CASS4: variants seen among roughly 807,000 people sequenced by gnomAD.
The protein encoded by CASS4 is cas scaffolding protein family member 4.
Under a neutral mutation model 54.2 loss-of-function variants are expected in CASS4, and 22 were observed. That is an observed-to-expected ratio of 0.41 (90% CI 0.29 to 0.58). CASS4 has a LOEUF of 0.58. CASS4 is among the 20% of genes least tolerant of loss of function. CASS4 has a pLI of 0.36. For missense variants in CASS4, 854 were observed against 986.7 expected (o/e 0.87, Z 1.80); for synonymous variants, 409 against 391.5 (o/e 1.04, Z -0.53).
chr20:56,413,305 A>T (rs995650302), intron 1 of CASS4, among the ~76,000 whole-genome samples: 1 of 152,130 alleles, frequency 6.6e-6, no homozygotes, highest in Non-Finnish European at 1.5e-5. Context: ...GTAGAACAGG[A>T]AAAAAGAAAT....
At chr20:56,441,933 T>C (rs1195847335) in intron 2 of CASS4, among the ~76,000 whole-genome samples, 3 of 152,244 alleles carry the variant, frequency 2.0e-5, no homozygotes, top group Non-Finnish European at 4.4e-5. Flanking sequence ...ACACATTTTC[T>C]GATCCACAGA....
intron 3 of CASS4, among the ~76,000 whole-genome samples, chr20:56,447,945 A>G (rs1382094407): frequency 1.3e-5 from 2 of 152,106 alleles, no homozygotes; most frequent in African/African-American, 2.4e-5. Context: ...GGTGGAGACC[A>G]CCCTGGCTAA....
intron 5 of CASS4, among the ~76,000 whole-genome samples, chr20:56,455,274 T>C (rs1323503070): frequency 6.6e-6 from 1 of 152,204 alleles, no homozygotes; most frequent in Non-Finnish European, 1.5e-5. Context: ...ATGGGTCCAT[T>C]TAAAGGAAAG....
At chr20:56,457,947 G>A (rs1281440320) in intron 5 of CASS4, among the ~76,000 whole-genome samples, 3 of 150,880 alleles carry the variant, frequency 2.0e-5, no homozygotes, top group Non-Finnish European at 4.4e-5. Flanking sequence ...CCCAGAAGGT[G>A]GAGGTTGCAG....
chr20:56,415,774 C>G (rs1355784042), intron 1 of CASS4, among the ~76,000 whole-genome samples: 1 of 152,232 alleles, frequency 6.6e-6, no homozygotes, highest in East Asian at 1.9e-4. Context: ...AGGGACTGTT[C>G]TCGCAAGCTG....
At chr20:56,417,440 C>T (rs770064559) in intron 1 of CASS4, among the ~76,000 whole-genome samples, 4 of 152,216 alleles carry the variant, frequency 2.6e-5, no homozygotes, top group Non-Finnish European at 5.9e-5. Flanking sequence ...CTGTGCAAAT[C>T]ACTTCCCCCC....
intron 1 of CASS4, among the ~76,000 whole-genome samples, chr20:56,417,320 C>T (rs552146429): frequency 5.9e-5 from 9 of 152,210 alleles, no homozygotes; most frequent in East Asian, 1.9e-4. Flanking sequence ...GATCCCACTC[C>T]GAGCAGCTCT....
chr20:56,412,437 G>A lies in CASS4; in HGVS notation c.-22G>A, dbSNP rs1978920479. 1.2e-6 allele frequency: 2 copies of A among 1,611,568 alleles called. No homozygotes were observed. The highest frequency in any genetic ancestry group is 2.7e-5 in the African/African-American group (2 of 74,866). ...GGAGATACTAGCTGCAGAGCTCAGG[G>A]GAGCTGCTCCACATCACCGACATGA... On this transcript the variant is annotated 5_prime_UTR_variant, in exon 1 of 6. Transcript: ENST00000679887. The surrounding 1 kb of genome is among the most constrained non-coding windows in gnomAD (Gnocchi z 4.2).
At chr20:56,435,910 C>T (rs1217382291) in intron 1 of CASS4, among the ~76,000 whole-genome samples, 1 of 151,946 alleles carries the variant, frequency 6.6e-6, no homozygotes, top group Non-Finnish European at 1.5e-5. Flanking sequence ...GCTACTCTGC[C>T]CAGCTAATTT....
chr20:56,425,916 T>G (rs1979616839), intron 1 of CASS4, among the ~76,000 whole-genome samples: 1 of 152,228 alleles, frequency 6.6e-6, no homozygotes, highest in African/African-American at 2.4e-5. Flanking sequence ...TGCAGACCTA[T>G]GCTCATCTTG....
intron 1 of CASS4, among the ~76,000 whole-genome samples, chr20:56,428,905 A>G (rs1176209329): frequency 6.6e-6 from 1 of 151,918 alleles, no homozygotes; most frequent in Non-Finnish European, 1.5e-5. Flanking sequence ...CCAACAGAGC[A>G]ATCAGTGTAC....
chr20:56,451,987 G>C lies in CASS4; in HGVS notation c.811G>C (p.Ala271Pro). ...CTTTGCGGAAGAATCAAGGCCCCAC[G>C]CTCTCCCCAGTTCCAGCTCCACTTT... ...TSFAEESRPH[A>P]LPSSSSTFYN... is the part of the protein sequence containing the mutation. The change falls in exon 5 of 6, where the codon GCT (alanine) becomes CCT (proline). Residue 271 changes from alanine to proline, a missense_variant. By Grantham distance (27) the Ala-to-Pro change is conservative. Transcript: ENST00000679887. 6.2e-7 allele frequency: 1 copy of C among 1,614,160 alleles called. No homozygotes were observed. Among genetic ancestry groups the C allele is most frequent in the Non-Finnish European group, 8.5e-7 (1 of 1,180,034 alleles).
In CASS4 at chr20:56,412,456, G is replaced by C. The variant is rs200155192; in HGVS notation, c.-3G>C. The C allele has an allele frequency of 5.6e-6, 9 of 1,612,348 alleles. No homozygotes were observed. The South Asian group carries it at 7.7e-5, about 14-fold the overall frequency. On this transcript the variant is annotated 5_prime_UTR_variant, in exon 1 of 6. Coordinates refer to ENST00000679887, the MANE Select transcript of CASS4 (RefSeq NM_020356.4). This position sits in a 1 kb window ranked among gnomAD's most constrained non-coding sequence, Gnocchi z 4.2. ...CTCAGGGGAGCTGCTCCACATCACC[G>C]ACATGAAGGGAACAGGCATCATGGA...
intron 4 of CASS4, among the ~76,000 whole-genome samples, chr20:56,451,409 T>C (rs1285545415): frequency 6.6e-6 from 1 of 152,206 alleles, no homozygotes; most frequent in Non-Finnish European, 1.5e-5. Flanking sequence ...CAGACACACT[T>C]ACACCCAAGG....
At chr20:56,441,964 T>G (rs772688708) in intron 2 of CASS4, among the ~76,000 whole-genome samples, 1 of 152,256 alleles carries the variant, frequency 6.6e-6, no homozygotes, top group Non-Finnish European at 1.5e-5. Flanking sequence ...GTCTCCTCCC[T>G]GCTCATGTCA....
At chr20:56,425,231 G>A (rs1979584550) in intron 1 of CASS4, among the ~76,000 whole-genome samples, 1 of 152,182 alleles carries the variant, frequency 6.6e-6, no homozygotes, top group Non-Finnish European at 1.5e-5. Flanking sequence ...TCCTCTCAGT[G>A]CCTCCTCAAC....
At chr20:56,415,447 T>C (rs1979085336) in intron 1 of CASS4, among the ~76,000 whole-genome samples, 2 of 152,220 alleles carry the variant, frequency 1.3e-5, no homozygotes, top group African/African-American at 4.8e-5. Flanking sequence ...AATGCATCTA[T>C]AAGATACATG....
intron 1 of CASS4, among the ~76,000 whole-genome samples, chr20:56,413,376 A>T (rs1351416484): frequency 6.6e-6 from 1 of 152,212 alleles, no homozygotes; most frequent in Non-Finnish European, 1.5e-5. Context: ...TCATTATAAT[A>T]AAAGTGACTA....
intron 1 of CASS4, among the ~76,000 whole-genome samples, chr20:56,416,852 A>G (rs531975802): frequency 1.3e-5 from 2 of 152,310 alleles, no homozygotes; most frequent in East Asian, 3.9e-4. Flanking sequence ...AAGCATCTTT[A>G]CTATGTTACT....
Sources: allele counts gnomAD v4.1 joint callset (sites outside exome capture counted in the v4.1 genomes callset), GRCh38; gene constraint gnomAD v4.1.1; non-coding constraint Gnocchi (gnomAD v3.1); transcripts MANE v1.5; gene names NCBI Gene and HGNC (gene_info 2026-07-23, HGNC 2026-07-21).